Variants in MDM4 observed in about 807,000 individuals in gnomAD.
MDM4 encodes the protein MDM4 regulator of p53, also known as protein Mdm4.
A neutral mutation model predicts 60.2 loss-of-function variants in MDM4; 2 were observed. The observed-to-expected ratio is 0.03, with a 90% CI of 0.01 to 0.10. The LOEUF is 0.10. Among genes scored for constraint, MDM4 ranks in the 10% least tolerant of loss-of-function variants. The pLI, the probability that MDM4 is intolerant of heterozygous loss-of-function variation, is 1.00. For synonymous variants in MDM4, 202 were observed against 198.1 expected, an observed-to-expected ratio of 1.02 and a Z score of -0.17; for missense variants, 447 against 577.5, an observed-to-expected ratio of 0.77 and a Z score of 2.32.
intron 1 of MDM4, among the ~76,000 whole-genome samples, chr1:204,517,126 C>T (rs1245633401): frequency 6.6e-6 from 1 of 151,900 alleles, no homozygotes; most frequent in Non-Finnish European, 1.5e-5. Context: ...GCCTGTAATC[C>T]TAGCTACTCG....
Position 204,546,720 on chromosome 1 carries a change from T to C in MDM4, c.823-77T>C. ...AATGTGAGTTTTAAATTGAAGCAGTTGTCTTTTTTGCTTTCAGTTAATTAG... is the reference window on the plus strand; with the variant it reads ...AATGTGAGTTTTAAATTGAAGCAGTCGTCTTTTTTGCTTTCAGTTAATTAG... On this transcript the variant is annotated intron_variant, in intron 9 of 10. Transcript: ENST00000367182. 3 of 902,448 alleles carry C rather than the reference T, an allele frequency of 3.3e-6. No individual in the cohort carries two copies. In the South Asian group the frequency reaches 4.3e-5, roughly 13 times the overall value. The allele number at this position is 902,448 out of a possible 1,614,324, so 55.9% of individuals were successfully genotyped here. A position where few individuals can be genotyped will look rare whatever the true frequency, so the allele number is the denominator to read the frequency against.
intron 3 of MDM4, among the ~76,000 whole-genome samples, chr1:204,529,924 T>C (rs1285998329): frequency 6.6e-6 from 1 of 152,210 alleles, no homozygotes; most frequent in African/African-American, 2.4e-5. Flanking sequence ...TCACCCATGC[T>C]GGAATGCAGT....
Position 204,549,250 on chromosome 1 carries a change from T to G in MDM4, c.1041T>G (p.Thr347=). The G allele has an allele frequency of 6.2e-7, 1 of 1,614,172 alleles. No homozygotes were observed. The highest frequency in any genetic ancestry group is 8.5e-7 in the Non-Finnish European group (1 of 1,180,012). ...ATTCTCTCTCCACGTCTGATATCAC[T>G]GCCATACCTGAAAAGGAAAATGAAG... The part of the protein sequence containing the change: ...LTHSLSTSDI[T]AIPEKENEGN... The change falls in exon 11 of 11, where the codon ACT becomes ACG. Residue 347 remains threonine, a synonymous_variant. Coordinates refer to ENST00000367182, the MANE Select transcript of MDM4 (RefSeq NM_002393.5).
chr1:204,536,955 G>T, intron 5 of MDM4: 1 of 393,598 alleles, frequency 2.5e-6, no homozygotes, highest in Admixed American at 3.6e-5. Flanking sequence ...GTTTTATGAA[G>T]CAAACGGGGA....
At chr1:204,546,155 CACGTTT>C (rs1662634543) in intron 9 of MDM4, among the ~76,000 whole-genome samples, 1 of 151,968 alleles carries the variant, frequency 6.6e-6, no homozygotes, top group African/African-American at 2.4e-5. Flanking sequence ...TAAAAAATTG[CACGTTT>C]AACAATTTGG....
intron 3 of MDM4, chr1:204,529,290 C>T: frequency 1.3e-6 from 1 of 751,410 alleles, no homozygotes; most frequent in Middle Eastern, 2.5e-4. Flanking sequence ...TCACCTCCTT[C>T]ATGGAGATAA....
At chr1:204,529,334 G>C in intron 3 of MDM4, 1 of 791,342 alleles carries the variant, frequency 1.3e-6, no homozygotes, top group Non-Finnish European at 2.3e-6. Flanking sequence ...ACTGGAACCA[G>C]GAGTAGGCCT....
At chr1:204,542,971 G>C in intron 8 of MDM4, 27 bp downstream of exon 8, 1 of 1,580,902 alleles carries the variant, frequency 6.3e-7, no homozygotes, top group Non-Finnish European at 8.6e-7. Flanking sequence ...AAGGGAAGTG[G>C]TTTTTTTTCT....
rs183913395 is a variant in MDM4, at chr1:204,530,528, G to A, written c.154-156G>A. ...GTAGATGGACCTAGTAGTTGGGAGC[G>A]GCTTTCCTGTTGTAGGACCCCTTAC... On this transcript the variant is annotated intron_variant, in intron 3 of 10. Coordinates refer to ENST00000367182, the MANE Select transcript of MDM4 (RefSeq NM_002393.5). Among the ~76,000 whole-genome samples, 61 of 152,250 alleles carry A rather than the reference G, an allele frequency of 4.0e-4. No individual in the cohort carries two copies. In the South Asian group the frequency reaches 6.4e-3, roughly 16 times the overall value.
intron 1 of MDM4, among the ~76,000 whole-genome samples, chr1:204,524,040 G>A (rs566722563): frequency 1.1e-4 from 16 of 152,282 alleles, no homozygotes; most frequent in Non-Finnish European, 1.2e-4. Context: ...TCAGGTCAAG[G>A]GAGGTGACCA....
At position 204,538,163 on chromosome 1, in the gene MDM4, C is replaced by G. The variant is rs3761687; in HGVS notation, c.412-46C>G. 9.9e-4 allele frequency: 1,011 copies of G among 1,024,884 alleles called. 12 individuals are homozygous for G. In the East Asian group the frequency reaches 0.019, roughly 19 times the overall value. The allele number at this position is 1,024,884 out of a possible 1,614,324, so 63.5% of individuals were successfully genotyped here. A position where few individuals can be genotyped will look rare whatever the true frequency, so the allele number is the denominator to read the frequency against. The stretch of plus-strand genomic sequence containing the variant: ...GAATGGAACTGCTACATCCCCTGGT[C>G]TCAGTTATTTCTACTGCACTGATGG... On this transcript the variant is annotated intron_variant, in intron 6 of 10. Transcript: ENST00000367182.
chr1:204,532,898 GTT>G lies in MDM4; in HGVS notation c.343+654_343+655del, dbSNP rs1661015038. On this transcript the variant is annotated intron_variant, in intron 5 of 10. Coordinates refer to ENST00000367182, the MANE Select transcript of MDM4 (RefSeq NM_002393.5). ...ACTGGTAGTGCTTGAATAAATTCAA[GTT>G]TAAATTTTTTGCCAAGAAAGCTTTA... The G allele has an allele frequency of 1.2e-5, 18 of 1,542,344 alleles. No individual in the cohort carries two copies. In the South Asian group the frequency reaches 2.2e-4, roughly 19 times the overall value.
Position 204,558,090 on chromosome 1 carries a change from T to A in MDM4, c.*8408T>A, listed in dbSNP as rs187737763. The A allele has an allele frequency of 1.5e-3, 276 of 180,328 alleles. 5 individuals carry two copies. The highest frequency in any genetic ancestry group is 4.1e-3 in the African/African-American group (176 of 42,512). 11.2% of individuals were successfully genotyped at this position (180,328 alleles called of 1,614,324 possible). On this transcript the variant is annotated 3_prime_UTR_variant, in exon 11 of 11. Coordinates refer to ENST00000367182, the MANE Select transcript of MDM4 (RefSeq NM_002393.5). ...CTTTTAATACTTTTTAATTGTGCTT[T>A]TTTATGTATTAAATGTTTTTCCTTT... is the stretch of plus-strand genomic sequence containing the variant.
At chr1:204,547,061 G>C (rs1040800121) in intron 10 of MDM4, among the ~76,000 whole-genome samples, 184 bp downstream of exon 10, 1 of 152,108 alleles carries the variant, frequency 6.6e-6, no homozygotes, top group African/African-American at 2.4e-5. Flanking sequence ...AAGAAGGGAA[G>C]GGGATAATTT....
At chr1:204,524,348 G>A (rs1247077222) in intron 1 of MDM4, among the ~76,000 whole-genome samples, 1 of 152,158 alleles carries the variant, frequency 6.6e-6, no homozygotes, top group Non-Finnish European at 1.5e-5. Context: ...AGGATTACAG[G>A]CGTGAGCCAC....
rs34355422 is a variant in MDM4, at chr1:204,538,869, CT to C, written c.511+579del. ...TACAGGTGTGTGCCACCACGCCTGGCTTTTTTTTTTTTTTTTTTGAGACGGA... is the reference window on the plus strand; with the variant it reads ...TACAGGTGTGTGCCACCACGCCTGGCTTTTTTTTTTTTTTTTTGAGACGGA... On this transcript the variant is annotated intron_variant, in intron 7 of 10. Transcript: ENST00000367182. 6.8e-3 allele frequency among the ~76,000 whole-genome samples: 803 copies of C among 117,662 alleles called. 7 individuals are homozygous for C. Among genetic ancestry groups the C allele is most frequent in the African/African-American group, 0.024 (746 of 31,676 alleles). The allele number at this position is 117,662 out of a possible 152,430, so 77.2% of individuals were successfully genotyped here.
Position 204,552,609 on chromosome 1 carries a change from A to G in MDM4, c.*2927A>G, listed in dbSNP as rs888165810. ...AGTCCTGCGATTACAGGCGTGAGCT[A>G]CCGCACCCAGCCAAGTTGTAATTTT... On this transcript the variant is annotated 3_prime_UTR_variant, in exon 11 of 11. Transcript: ENST00000367182. 1.2e-5 allele frequency: 2 copies of G among 172,386 alleles called. No individual in the cohort carries two copies. Among genetic ancestry groups the G allele is most frequent in the African/African-American group, 4.8e-5 (2 of 42,060 alleles). The allele number at this position is 172,386 out of a possible 1,614,324, so 10.7% of individuals were successfully genotyped here.
At chr1:204,520,280 A>G in intron 1 of MDM4, among the ~76,000 whole-genome samples, 1 of 150,136 alleles carries the variant, frequency 6.7e-6, no homozygotes, top group Non-Finnish European at 1.5e-5. Context: ...TCCATCTCAA[A>G]AAAAAAAAAA....
intron 1 of MDM4, among the ~76,000 whole-genome samples, chr1:204,520,277 C>CAAAA (rs35340106): frequency 1.5e-5 from 1 of 65,478 alleles, no homozygotes; most frequent in Non-Finnish European, 3.4e-5. Flanking sequence ...GACTCCATCT[C>CAAAA]AAAAAAAAAA....
Sources: gnomAD v4.1 joint callset for allele counts (sites outside exome capture counted in the v4.1 genomes callset) on GRCh38, gnomAD v4.1.1 for gene constraint, MANE v1.5 for transcripts, NCBI Gene and HGNC (gene_info 2026-07-23, HGNC 2026-07-21) for gene names.